FRYL: variants seen among roughly 807,000 people sequenced by gnomAD.
FRYL encodes the protein FRY like transcription coactivator.
In FRYL, 150 loss-of-function variants were observed where a neutral mutation model predicts 351.2. The observed-to-expected ratio is 0.43, with a 90% CI of 0.37 to 0.49. The LOEUF (loss-of-function observed/expected upper bound fraction) is 0.49. FRYL is among the 20% of genes least tolerant of loss of function. The pLI, the probability that FRYL is intolerant of heterozygous loss-of-function variation, is 0.00. For synonymous variants in FRYL, 1,153 were observed against 1,257.1 expected (o/e 0.92, Z 1.75); for missense variants, 3,036 against 3,619.3 (o/e 0.84, Z 4.13).
chr4:48,640,508 A>C (rs1181913161), intron 3 of FRYL, among the ~76,000 whole-genome samples: 1 of 152,162 alleles, frequency 6.6e-6, no homozygotes, highest in Non-Finnish European at 1.5e-5. Flanking sequence ...AGAAGGGAGC[A>C]ATGAATAGGT....
intron 49 of FRYL, among the ~76,000 whole-genome samples, chr4:48,531,559 A>G (rs548632420): frequency 2.0e-5 from 3 of 152,330 alleles, no homozygotes; most frequent in South Asian, 2.1e-4. Flanking sequence ...CAGATACCAT[A>G]TGTGTAATAA....
chr4:48,499,762 A>G (rs1223481732), intron 63 of FRYL, 82 bp from the exon 64 acceptor site: 19 of 1,255,008 alleles, frequency 1.5e-5, no homozygotes, highest in Non-Finnish European at 2.0e-5. Context: ...TACCTGTAAC[A>G]ACAACATTTC....
At chr4:48,688,428 C>T (rs1459143747) in intron 2 of FRYL, among the ~76,000 whole-genome samples, 3 of 151,996 alleles carry the variant, frequency 2.0e-5, no homozygotes, top group East Asian at 1.9e-4. Flanking sequence ...AATAATCAAG[C>T]GCAGGCAGCA....
chr4:48,764,992 A>T (rs1190705221), intron 1 of FRYL, among the ~76,000 whole-genome samples: 1 of 152,040 alleles, frequency 6.6e-6, no homozygotes, highest in Non-Finnish European at 1.5e-5. Flanking sequence ...TTACAGGCGC[A>T]CACCACCATG....
chr4:48,586,203 G>A (rs1187218625), intron 19 of FRYL, among the ~76,000 whole-genome samples: 2 of 151,864 alleles, frequency 1.3e-5, no homozygotes, highest in Admixed American at 6.6e-5. Context: ...TGCCATAGGG[G>A]GAAAAAAAAG....
At chr4:48,773,423 C>T (rs1775716415) in intron 1 of FRYL, among the ~76,000 whole-genome samples, 1 of 152,142 alleles carries the variant, frequency 6.6e-6, no homozygotes, top group South Asian at 2.1e-4. Flanking sequence ...ACGATTAGAA[C>T]TAAGTACTTT....
At chr4:48,522,671 T>C (rs1248719665) in intron 54 of FRYL, among the ~76,000 whole-genome samples, 2 of 152,178 alleles carry the variant, frequency 1.3e-5, no homozygotes, top group African/African-American at 4.8e-5. Context: ...TCACTGTGAC[T>C]AGGAAAGAAG....
chr4:48,553,474 C>G, intron 35 of FRYL, 91 bp from the exon 36 acceptor site: 2 of 822,318 alleles, frequency 2.4e-6, no homozygotes, highest in Non-Finnish European at 3.9e-6. Flanking sequence ...GTAAGTTCAA[C>G]TTTAAGTGGT....
intron 1 of FRYL, among the ~76,000 whole-genome samples, chr4:48,712,339 A>G (rs1391164141): frequency 6.6e-6 from 1 of 152,176 alleles, no homozygotes; most frequent in Admixed American, 6.5e-5. Flanking sequence ...AGAGGAATGT[A>G]TAACTAGAAT....
intron 44 of FRYL, among the ~76,000 whole-genome samples, chr4:48,542,574 A>G (rs1260204010): frequency 6.6e-6 from 1 of 151,982 alleles, no homozygotes; most frequent in Non-Finnish European, 1.5e-5. Flanking sequence ...GCGCCTGCAC[A>G]CCTAGCTAAT....
intron 1 of FRYL, among the ~76,000 whole-genome samples, chr4:48,770,853 T>C (rs1387083246): frequency 6.6e-6 from 1 of 152,204 alleles, no homozygotes; most frequent in African/African-American, 2.4e-5. Flanking sequence ...TGCAGACTTC[T>C]GTTACAGAGG....
intron 50 of FRYL, among the ~76,000 whole-genome samples, chr4:48,529,827 C>T (rs1228071111): frequency 2.0e-5 from 3 of 152,116 alleles, no homozygotes; most frequent in Admixed American, 6.5e-5. Context: ...AAAATCGGGA[C>T]TCTCAGCAAG....
rs577211961 is a variant in FRYL at position 48,565,925 on chromosome 4, A to C, written c.3170-234T>G. Reference sequence around the variant, plus strand: ...TTACATGACATAGAGCATCTCTGCAAGCAGAAATTCCATGGCAGGCTCAAT... The same window carrying C: ...TTACATGACATAGAGCATCTCTGCACGCAGAAATTCCATGGCAGGCTCAAT... On this transcript the variant is annotated intron_variant, in intron 28 of 63. Coordinates refer to ENST00000358350, the MANE Select transcript of FRYL (RefSeq NM_015030.2). 3.3e-5 allele frequency among the ~76,000 whole-genome samples: 5 copies of C among 152,320 alleles called. No individual in the cohort carries two copies. The South Asian group carries it at 1.0e-3, about 32-fold the overall frequency.
intron 3 of FRYL, chr4:48,637,378 C>T (rs1474925675): frequency 2.6e-5 from 4 of 151,960 alleles, no homozygotes; most frequent in African/African-American, 9.7e-5. Flanking sequence ...GATGATCACT[C>T]CAAGTAGAAG....
chr4:48,591,329 A>G (rs1471069036), intron 16 of FRYL, among the ~76,000 whole-genome samples: 3 of 152,192 alleles, frequency 2.0e-5, no homozygotes, highest in African/African-American at 4.8e-5. Flanking sequence ...GAAACATTAC[A>G]GCACCAATTA....
chr4:48,573,914 G>C (rs557192446), intron 25 of FRYL, among the ~76,000 whole-genome samples: 5 of 151,954 alleles, frequency 3.3e-5, no homozygotes, highest in Admixed American at 6.6e-5. Context: ...CATGATATTC[G>C]AACATAGGGT....
intron 25 of FRYL, among the ~76,000 whole-genome samples, chr4:48,574,256 C>T (rs548369849): frequency 6.6e-6 from 1 of 152,192 alleles, no homozygotes; most frequent in Non-Finnish European, 1.5e-5. Context: ...TTAAAAGTGT[C>T]TCTGAATTGT....
intron 1 of FRYL, among the ~76,000 whole-genome samples, chr4:48,729,021 T>A (rs1305518580): frequency 1.3e-5 from 2 of 152,250 alleles, no homozygotes; most frequent in Non-Finnish European, 2.9e-5. Context: ...CTTGCCTAAA[T>A]ACTGTGCTTT....
At chr4:48,752,313 T>C (rs1773329472) in intron 1 of FRYL, among the ~76,000 whole-genome samples, 1 of 152,166 alleles carries the variant, frequency 6.6e-6, no homozygotes, top group Admixed American at 6.5e-5. Context: ...AAGGTAGTGG[T>C]ATAGACCAAT....
Sources: allele counts gnomAD v4.1 joint callset (sites outside exome capture counted in the v4.1 genomes callset), GRCh38; gene constraint gnomAD v4.1.1; transcripts MANE v1.5; gene names NCBI Gene and HGNC (gene_info 2026-07-23, HGNC 2026-07-21).